The following REDIC1 variants were observed in gnomAD, a reference collection of about 807,000 sequenced individuals.
REDIC1 encodes regulator of DNA class I crossover intermediates 1, also known as HEI10 Interacting Protein 1.
At chr12:39,772,121 T>C in the REDIC1 span, among the ~76,000 whole-genome samples, 1 of 152,150 alleles carries the variant, frequency 6.6e-6, no homozygotes, top group South Asian at 2.1e-4. Flanking sequence ...TATGGTCATA[T>C]ATTAATATAC....
At chr12:39,747,676 A>G in the REDIC1 span, among the ~76,000 whole-genome samples, 2 of 152,226 alleles carry the variant, frequency 1.3e-5, no homozygotes, top group African/African-American at 2.4e-5. Context: ...GCAGCCAGAG[A>G]GAAAGGTTGG....
chr12:39,678,747 A>G, the REDIC1 span, among the ~76,000 whole-genome samples: 15 of 152,230 alleles, frequency 9.9e-5, no homozygotes, highest in South Asian at 4.2e-4. Flanking sequence ...AAGATAATAC[A>G]TCATGATCAA....
chr12:39,634,687 G>C, the REDIC1 span, among the ~76,000 whole-genome samples: 1 of 152,096 alleles, frequency 6.6e-6, no homozygotes, highest in African/African-American at 2.4e-5. Flanking sequence ...AAAAACTCTA[G>C]AAGAACCTAG....
At chr12:39,626,684 C>T in the REDIC1 span, among the ~76,000 whole-genome samples, 1 of 151,714 alleles carries the variant, frequency 6.6e-6, no homozygotes, top group Admixed American at 6.6e-5. Context: ...TGAGCCCTCC[C>T]CTACTGCCTT....
chr12:39,666,359 G>A, the REDIC1 span, among the ~76,000 whole-genome samples: 1 of 152,118 alleles, frequency 6.6e-6, no homozygotes, highest in Non-Finnish European at 1.5e-5. Context: ...TTTATATGCT[G>A]GATTACGTTT....
chr12:39,777,441 C>G, the REDIC1 span, among the ~76,000 whole-genome samples: 1 of 152,278 alleles, frequency 6.6e-6, no homozygotes, highest in Non-Finnish European at 1.5e-5. Context: ...AGCATGGTCC[C>G]TTTAAATGAT....
At chr12:39,730,922 C>T in the REDIC1 span, among the ~76,000 whole-genome samples, 6 of 152,212 alleles carry the variant, frequency 3.9e-5, no homozygotes, top group African/African-American at 1.2e-4. Context: ...CTCTGATAGA[C>T]TTTTTTTCTG....
At chr12:39,786,585 A>T in the REDIC1 span, among the ~76,000 whole-genome samples, 4 of 152,234 alleles carry the variant, frequency 2.6e-5, no homozygotes, top group Admixed American at 2.0e-4. Flanking sequence ...CATATAAAGC[A>T]CAAGGAGAGC....
chr12:39,854,286 GGGTAATA>G, the REDIC1 span, among the ~76,000 whole-genome samples: 2 of 151,992 alleles, frequency 1.3e-5, no homozygotes, highest in Non-Finnish European at 2.9e-5. Flanking sequence ...GAAAGTTTAA[GGGTAATA>G]GGTAATATTC....
chr12:39,851,048 C>T, the REDIC1 span, among the ~76,000 whole-genome samples: 23 of 151,936 alleles, frequency 1.5e-4, no homozygotes, highest in Middle Eastern at 3.4e-3. Flanking sequence ...TACAGGTGTG[C>T]GCCACCACAT....
chr12:39,792,953 G>A, the REDIC1 span, among the ~76,000 whole-genome samples: 4 of 152,106 alleles, frequency 2.6e-5, no homozygotes, highest in Non-Finnish European at 4.4e-5. Context: ...TGAACTTTAA[G>A]TAGGCATATA....
At chr12:39,855,025 C>T in the REDIC1 span, among the ~76,000 whole-genome samples, 1 of 152,134 alleles carries the variant, frequency 6.6e-6, no homozygotes, top group South Asian at 2.1e-4. Context: ...TTTAGCATTT[C>T]CTTCAGTTAG....
chr12:39,730,560 A>T, the REDIC1 span, among the ~76,000 whole-genome samples: 1 of 152,062 alleles, frequency 6.6e-6, no homozygotes, highest in Admixed American at 6.5e-5. Context: ...TTTGTGAGTA[A>T]CCTGACCTTT....
the REDIC1 span, among the ~76,000 whole-genome samples, chr12:39,789,095 A>G: frequency 2.0e-5 from 3 of 152,074 alleles, no homozygotes; most frequent in Admixed American, 2.0e-4. Flanking sequence ...TTACTCACCA[A>G]TCAGCTTATT....
chr12:39,747,978 A>G, the REDIC1 span, among the ~76,000 whole-genome samples: 10 of 152,370 alleles, frequency 6.6e-5, no homozygotes, highest in Non-Finnish European at 1.2e-4. Context: ...AAATCTTGCC[A>G]AATTGTAAAG....
At chr12:39,838,004 T>G in the REDIC1 span, among the ~76,000 whole-genome samples, 251 of 151,024 alleles carry the variant, frequency 1.7e-3, 2 homozygotes, top group East Asian at 0.031. Flanking sequence ...TATACCCAAA[T>G]GACTATAAAT....
chr12:39,630,865 C>T, the REDIC1 span, among the ~76,000 whole-genome samples: 4 of 152,254 alleles, frequency 2.6e-5, no homozygotes, highest in African/African-American at 7.2e-5. Flanking sequence ...AATACTTAAA[C>T]GTACAGTGAA....
chr12:39,774,584 CTTT>C, the REDIC1 span, among the ~76,000 whole-genome samples: 24 of 130,212 alleles, frequency 1.8e-4, no homozygotes, highest in Non-Finnish European at 2.5e-4. Context: ...ATTGTCCAGC[CTTT>C]TTTTTTTTTT....
the REDIC1 span, among the ~76,000 whole-genome samples, chr12:39,746,816 C>T: frequency 6.6e-6 from 1 of 152,348 alleles, no homozygotes; most frequent in Non-Finnish European, 1.5e-5. Context: ...AGGCAAACAG[C>T]ATCTGGAGTG....
Sources: allele counts gnomAD v4.1 joint callset (sites outside exome capture counted in the v4.1 genomes callset), GRCh38; gene constraint gnomAD v4.1.1; transcripts MANE v1.5; gene names NCBI Gene and HGNC (gene_info 2026-07-23, HGNC 2026-07-21).